The following PHACTR4 variants were observed in gnomAD, a reference collection of about 807,000 sequenced individuals.
PHACTR4 encodes protein phosphatase 1, regulatory subunit 124.
A neutral mutation model predicts 72.7 loss-of-function variants in PHACTR4; 51 were observed. The ratio of observed to expected loss-of-function variants is 0.70; its 90% CI spans 0.56 to 0.89. PHACTR4 has a LOEUF of 0.89. Ranked by LOEUF, PHACTR4 falls within the 40% of genes least tolerant of loss-of-function variation. The pLI, the probability that PHACTR4 is intolerant of heterozygous loss-of-function variation, is 0.00. For synonymous variants in PHACTR4, 255 were observed against 302.5 expected (o/e 0.84, Z 1.63); for missense variants, 731 against 861.8 (o/e 0.85, Z 1.90).
chr1:28,412,318 C>G (rs1449584675), intron 2 of PHACTR4, among the ~76,000 whole-genome samples: 2 of 152,076 alleles, frequency 1.3e-5, no homozygotes, highest in Non-Finnish European at 2.9e-5. Flanking sequence ...AATAGTATTC[C>G]ATGAAGAAAA....
At chr1:28,467,957 T>C (rs991735067) in intron 6 of PHACTR4, among the ~76,000 whole-genome samples, 1 of 152,228 alleles carries the variant, frequency 6.6e-6, no homozygotes, top group African/African-American at 2.4e-5. Context: ...GGAAAAATGA[T>C]ACTAGGCTTA....
At chr1:28,430,960 G>A in intron 2 of PHACTR4, among the ~76,000 whole-genome samples, 1 of 151,804 alleles carries the variant, frequency 6.6e-6, no homozygotes, top group East Asian at 1.9e-4. Context: ...GGCGGATCAC[G>A]AGGTCGGGAG....
intron 9 of PHACTR4, among the ~76,000 whole-genome samples, chr1:28,482,212 T>C (rs1660326421): frequency 6.6e-6 from 1 of 152,178 alleles, no homozygotes; most frequent in Admixed American, 6.6e-5. Flanking sequence ...GTGAGAGCTT[T>C]AAACCATGAG....
chr1:28,411,584 TGAG>T (rs1422491214), intron 2 of PHACTR4, among the ~76,000 whole-genome samples: 1 of 152,172 alleles, frequency 6.6e-6, no homozygotes, highest in Non-Finnish European at 1.5e-5. Context: ...AGAAAAGAAT[TGAG>T]GATGTAAAAT....
At chr1:28,405,437 A>C (rs1654250396) in intron 1 of PHACTR4, among the ~76,000 whole-genome samples, 2 of 151,568 alleles carry the variant, frequency 1.3e-5, no homozygotes. Context: ...AGCAATTCTC[A>C]TGCCTCAGCC....
chr1:28,404,544 A>G (rs1654187742), intron 1 of PHACTR4, among the ~76,000 whole-genome samples: 1 of 151,834 alleles, frequency 6.6e-6, no homozygotes, highest in African/African-American at 2.4e-5. Context: ...CAGCCTCCCA[A>G]AGTGCTGGGA....
intron 4 of PHACTR4, among the ~76,000 whole-genome samples, chr1:28,461,479 G>A (rs1169560794): frequency 1.3e-5 from 2 of 152,120 alleles, no homozygotes; most frequent in South Asian, 2.1e-4. Context: ...AAGAATAGGG[G>A]AAAGGAACCA....
chr1:28,482,700 T>C (rs923057420), intron 9 of PHACTR4, among the ~76,000 whole-genome samples: 1 of 151,962 alleles, frequency 6.6e-6, no homozygotes, highest in Non-Finnish European at 1.5e-5. Flanking sequence ...TTTGGGAGGC[T>C]CACTTGAGGT....
At chr1:28,453,531 G>A (rs1010286558) in intron 2 of PHACTR4, 4 of 609,538 alleles carry the variant, frequency 6.6e-6, no homozygotes, top group Non-Finnish European at 1.2e-5. Flanking sequence ...TGGTGGCTGG[G>A]CTGGGGAAAT....
chr1:28,370,294 A>T (rs1440867336), intron 1 of PHACTR4, among the ~76,000 whole-genome samples: 1 of 152,138 alleles, frequency 6.6e-6, no homozygotes, highest in Admixed American at 6.5e-5. Flanking sequence ...GGGGCTTCGG[A>T]GCCAGGCGGA....
At chr1:28,458,843 C>T (rs1247583286) in intron 2 of PHACTR4, among the ~76,000 whole-genome samples, 1 of 152,088 alleles carries the variant, frequency 6.6e-6, no homozygotes, top group Admixed American at 6.6e-5. Flanking sequence ...ATCATTTCAC[C>T]AGATTTTGTC....
At chr1:28,460,683 CTT>C (rs35115873) in intron 4 of PHACTR4, among the ~76,000 whole-genome samples, 2 of 152,080 alleles carry the variant, frequency 1.3e-5, no homozygotes, top group Non-Finnish European at 2.9e-5. Flanking sequence ...TAACTTTTGA[CTT>C]TTTAGTAGAG....
intron 1 of PHACTR4, among the ~76,000 whole-genome samples, chr1:28,392,413 T>TTA (rs1653128471): frequency 6.6e-6 from 1 of 151,876 alleles, no homozygotes; most frequent in African/African-American, 2.4e-5. Context: ...TTTCTTTTTT[T>TTA]TTTTTTTGAG....
At chr1:28,385,614 AT>A (rs1225303255) in intron 1 of PHACTR4, among the ~76,000 whole-genome samples, 36,423 of 126,654 alleles carry the variant, frequency 0.29, 6,656 homozygotes, top group African/African-American at 0.54. Context: ...TTTTAAGTGA[AT>A]TTTTTTTTTT....
chr1:28,491,686 A>G lies in PHACTR4; in HGVS notation c.1915A>G (p.Arg639Gly). Residue 639 changes from arginine (R) to glycine (G), a missense_variant, in exon 12 of 14, where the codon AGG becomes GGG. Coordinates refer to ENST00000373839, the MANE Select transcript of PHACTR4 (RefSeq NM_001048183.3). ...GCCAACTGTCGCTGAACTCCTTGCCAGGAAGATTCTGAGGTTTAATGAATA... is the reference window on the plus strand; with the variant it reads ...GCCAACTGTCGCTGAACTCCTTGCCGGGAAGATTCTGAGGTTTAATGAATA... The part of the protein sequence containing the change: ...QRPTVAELLA[R>G]KILRFNEYVE... 6.2e-7 allele frequency: 1 copy of G among 1,614,104 alleles called. No homozygotes were observed. The highest frequency in any genetic ancestry group is 8.5e-7 in the Non-Finnish European group (1 of 1,179,980).
intron 6 of PHACTR4, among the ~76,000 whole-genome samples, chr1:28,472,786 T>C (rs1469690215): frequency 6.7e-6 from 1 of 149,798 alleles, no homozygotes; most frequent in East Asian, 2.0e-4. Context: ...GTAATTTTTT[T>C]TTTTTTTTTT....
intron 13 of PHACTR4, among the ~76,000 whole-genome samples, chr1:28,495,172 C>T (rs1045136844): frequency 2.0e-5 from 3 of 152,120 alleles, no homozygotes; most frequent in Non-Finnish European, 2.9e-5. Flanking sequence ...TTAGTTTATT[C>T]AACAAATACT....
intron 2 of PHACTR4, among the ~76,000 whole-genome samples, chr1:28,420,381 G>A (rs757039726): frequency 2.0e-5 from 3 of 152,102 alleles, no homozygotes; most frequent in African/African-American, 7.2e-5. Context: ...TTTATAAGGC[G>A]CTCTTCCCCC....
At chr1:28,485,379 G>A (rs1390698693) in intron 9 of PHACTR4, among the ~76,000 whole-genome samples, 15 of 152,120 alleles carry the variant, frequency 9.9e-5, no homozygotes, top group Non-Finnish European at 1.5e-5. Flanking sequence ...ACGAGGTCAG[G>A]AGGTCAAGAC....
Sources: gnomAD v4.1 joint callset for allele counts (sites outside exome capture counted in the v4.1 genomes callset) on GRCh38, gnomAD v4.1.1 for gene constraint, MANE v1.5 for transcripts, NCBI Gene and HGNC (gene_info 2026-07-23, HGNC 2026-07-21) for gene names.